The following ADAMTSL1 variants were observed in gnomAD, a reference collection of about 807,000 sequenced individuals.
ADAMTSL1 encodes ADAMTS like 1, also known as ADAMTS-like protein 1.
In ADAMTSL1, 126 loss-of-function variants were observed where a neutral mutation model predicts 201.8. The ratio of observed to expected loss-of-function variants is 0.62; its 90% CI spans 0.54 to 0.72. ADAMTSL1 has a LOEUF of 0.72. Among genes scored for constraint, ADAMTSL1 ranks in the 30% least tolerant of loss-of-function variants. The pLI is 0.00. For synonymous variants in ADAMTSL1, 1,121 were observed against 903.4 expected (o/e 1.24, Z -4.32); for missense variants, 2,679 against 2,277.8 (o/e 1.18, Z -3.59).
intron 1 of ADAMTSL1, among the ~76,000 whole-genome samples, chr9:18,128,274 G>A (rs1457270150): frequency 6.6e-6 from 1 of 152,068 alleles, no homozygotes; most frequent in African/African-American, 2.4e-5. Context: ...GGACCACCAG[G>A]GTAATGAGAT....
intron 4 of ADAMTSL1, among the ~76,000 whole-genome samples, chr9:18,576,542 T>G (rs1376773530): frequency 2.0e-5 from 3 of 152,206 alleles, no homozygotes; most frequent in South Asian, 4.1e-4. Context: ...AACTCTTAAA[T>G]AGAATCACAG....
intron 1 of ADAMTSL1, among the ~76,000 whole-genome samples, chr9:18,481,348 C>T (rs1227429267): frequency 6.6e-6 from 1 of 152,182 alleles, no homozygotes; most frequent in East Asian, 1.9e-4. Flanking sequence ...AGTTCGAGAC[C>T]AGCCTGGCCA....
Position 18,777,530 on chromosome 9 carries a change from GTGGCCCAGC to G in ADAMTSL1, c.3310_3318del (p.Leu1104_Gln1106del), listed in dbSNP as rs1174410335. The G allele has an allele frequency of 6.2e-7, 1 of 1,602,780 alleles. No individual in the cohort carries two copies. The highest frequency in any genetic ancestry group is 1.1e-5 in the South Asian group (1 of 89,018). On this transcript the variant is annotated inframe_deletion, in exon 19 of 29. Transcript: ENST00000380548. ...GCGCGACCTCTACAGCAAGCACCTGGTGGCCCAGCTGGCCCAGGAGATCTTCCGCAGCCA... is the reference window on the plus strand; with the variant it reads ...GCGCGACCTCTACAGCAAGCACCTGGTGGCCCAGGAGATCTTCCGCAGCCA...
At chr9:18,051,467 G>T (rs1821937508) in intron 1 of ADAMTSL1, among the ~76,000 whole-genome samples, 1 of 152,064 alleles carries the variant, frequency 6.6e-6, no homozygotes, top group South Asian at 2.1e-4. Flanking sequence ...GTCCTGTTGG[G>T]CTATATGGTA....
chr9:18,210,266 TA>T (rs1289081378), intron 2 of ADAMTSL1, among the ~76,000 whole-genome samples: 1 of 151,180 alleles, frequency 6.6e-6, no homozygotes, highest in African/African-American at 2.4e-5. Flanking sequence ...TCAGAGTTTT[TA>T]ATTAATACTT....
intron 20 of ADAMTSL1, among the ~76,000 whole-genome samples, chr9:18,804,910 A>C (rs1241852944): frequency 1.3e-5 from 2 of 152,226 alleles, no homozygotes; most frequent in Non-Finnish European, 2.9e-5. Flanking sequence ...CAATTTGCTC[A>C]GTTTAGGGTG....
chr9:18,634,983 A>G (rs1440626367), intron 5 of ADAMTSL1, among the ~76,000 whole-genome samples: 1 of 150,394 alleles, frequency 6.6e-6, no homozygotes, highest in Admixed American at 6.6e-5. Context: ...GCTGGTAAAT[A>G]TTTTAAAACC....
chr9:18,707,134 C>G lies in ADAMTSL1; in HGVS notation c.1876+86C>G, dbSNP rs1192083320. ...ATGCAGCTGGATCATGTGACTGCCT[C>G]AAATCCAAGAATGATAAGCAGGAGG... is the stretch of plus-strand genomic sequence containing the variant. On this transcript the variant is annotated intron_variant, in intron 14 of 28. Coordinates refer to ENST00000380548, the MANE Select transcript of ADAMTSL1 (RefSeq NM_001040272.6). The G allele has an allele frequency of 1.9e-5, 28 of 1,472,044 alleles. No homozygotes were observed. The Admixed American group carries it at 5.8e-4, about 31-fold the overall frequency. 91.2% of individuals were successfully genotyped at this position (1,472,044 alleles called of 1,614,324 possible).
At chr9:18,565,919 G>A (rs1042276063) in intron 3 of ADAMTSL1, among the ~76,000 whole-genome samples, 1 of 152,104 alleles carries the variant, frequency 6.6e-6, no homozygotes, top group Non-Finnish European at 1.5e-5. Context: ...ACTTTATAGT[G>A]CGTGCTTACA....
rs1827236271 is a variant in ADAMTSL1, at chr9:18,158,171, G to C, written c.88-5691G>C. 2.0e-5 allele frequency among the ~76,000 whole-genome samples: 3 copies of C among 152,022 alleles called. No homozygotes were observed. The South Asian group carries it at 6.2e-4, about 32-fold the overall frequency. On this transcript the variant is annotated intron_variant, in intron 1 of 29. Coordinates refer to the ADAMTSL1 transcript ENST00000680146. ...TGTGTTTGAGTGCATGCAGAAAGGG[G>C]TTGTTGATACTCATGTTTGATAAGC...
At chr9:18,674,262 T>TA (rs1830010428) in intron 9 of ADAMTSL1, among the ~76,000 whole-genome samples, 1 of 151,256 alleles carries the variant, frequency 6.6e-6, no homozygotes, top group East Asian at 1.9e-4. Context: ...CAAATGAATA[T>TA]AAAAAACTTA....
intron 2 of ADAMTSL1, among the ~76,000 whole-genome samples, chr9:18,188,537 A>C (rs1828835231): frequency 6.6e-6 from 1 of 152,184 alleles, no homozygotes; most frequent in Non-Finnish European, 1.5e-5. Flanking sequence ...CAAATAGGTG[A>C]AAATCACTGG....
chr9:18,241,545 C>G (rs910838159), intron 2 of ADAMTSL1, among the ~76,000 whole-genome samples: 1 of 151,792 alleles, frequency 6.6e-6, no homozygotes, highest in Non-Finnish European at 1.5e-5. Flanking sequence ...TGTTTCTTCT[C>G]TCTTTAAAAA....
At chr9:18,136,846 C>G (rs1826179456) in intron 1 of ADAMTSL1, among the ~76,000 whole-genome samples, 1 of 152,018 alleles carries the variant, frequency 6.6e-6, no homozygotes, top group Non-Finnish European at 1.5e-5. Flanking sequence ...CAGTACAGGA[C>G]AAAGGCTGCC....
intron 15 of ADAMTSL1, among the ~76,000 whole-genome samples, chr9:18,749,310 T>C (rs1287455293): frequency 6.6e-6 from 1 of 152,176 alleles, no homozygotes; most frequent in Non-Finnish European, 1.5e-5. Flanking sequence ...ATGTTGAGAA[T>C]TTCCAAAGGG....
chr9:18,536,567 GTCATGGTACTTTCTTACTTT>G (rs1819789440), intron 3 of ADAMTSL1, among the ~76,000 whole-genome samples: 1 of 151,794 alleles, frequency 6.6e-6, no homozygotes. Context: ...AGTTCTCATA[GTCATGGTACTTTCTTACTTT>G]CTGTGTAGCT....
At chr9:18,205,577 T>C (rs575981729) in intron 2 of ADAMTSL1, among the ~76,000 whole-genome samples, 1 of 152,184 alleles carries the variant, frequency 6.6e-6, no homozygotes, top group South Asian at 2.1e-4. Context: ...TCAGGGAACA[T>C]GATCAAGGTT....
intron 13 of ADAMTSL1, among the ~76,000 whole-genome samples, chr9:18,692,829 A>G (rs1831313889): frequency 6.6e-6 from 1 of 152,238 alleles, no homozygotes; most frequent in Non-Finnish European, 1.5e-5. Context: ...GTAAGCTGTG[A>G]TGGCATCTGA....
At chr9:18,596,547 C>T (rs1451968291) in intron 4 of ADAMTSL1, among the ~76,000 whole-genome samples, 1 of 152,154 alleles carries the variant, frequency 6.6e-6, no homozygotes, top group Non-Finnish European at 1.5e-5. Flanking sequence ...GTGCGCACCA[C>T]CACACCTGTA....
Sources: gnomAD v4.1 joint callset for allele counts (sites outside exome capture counted in the v4.1 genomes callset) on GRCh38, gnomAD v4.1.1 for gene constraint, MANE v1.5 for transcripts, NCBI Gene and HGNC (gene_info 2026-07-23, HGNC 2026-07-21) for gene names.